The following PCSK5 variants were observed in gnomAD, a reference collection of about 807,000 sequenced individuals.
PCSK5 encodes proprotein convertase subtilisin/kexin type 5, also known as prohormone convertase 5.
Under a neutral mutation model 233.2 loss-of-function variants are expected in PCSK5, and 129 were observed. The ratio of observed to expected loss-of-function variants is 0.55; its 90% CI spans 0.48 to 0.64. PCSK5 has a LOEUF of 0.64. PCSK5 is among the 30% of genes least tolerant of loss of function. The pLI, the probability that PCSK5 is intolerant of heterozygous loss-of-function variation, is 0.00. For missense variants in PCSK5, 2,076 were observed against 2,430.1 expected (o/e 0.85, Z 3.06); for synonymous variants, 825 against 879.2 (o/e 0.94, Z 1.09).
chr9:75,904,681 C>T (rs1826184246), intron 1 of PCSK5, among the ~76,000 whole-genome samples: 1 of 152,160 alleles, frequency 6.6e-6, no homozygotes, highest in South Asian at 2.1e-4. Flanking sequence ...CTCCAATTTA[C>T]AATGGGAATG....
At chr9:76,081,472 TAAAC>T (rs374257054) in intron 7 of PCSK5, among the ~76,000 whole-genome samples, 5,804 of 151,780 alleles carry the variant, frequency 0.038, 222 homozygotes, top group African/African-American at 0.096. Flanking sequence ...AATAAATAAA[TAAAC>T]AAACAAACAA....
chr9:76,165,497 A>T (rs940697949), intron 12 of PCSK5, among the ~76,000 whole-genome samples: 1 of 152,224 alleles, frequency 6.6e-6, no homozygotes, highest in Non-Finnish European at 1.5e-5. Flanking sequence ...TCCTGAGTTA[A>T]TTCCTCAAAA....
chr9:76,058,821 C>A (rs57670194), intron 5 of PCSK5, among the ~76,000 whole-genome samples: 1 of 151,988 alleles, frequency 6.6e-6, no homozygotes, highest in Non-Finnish European at 1.5e-5. Context: ...TCAGAATTAA[C>A]CAGGCATATT....
chr9:76,311,288 T>G (rs150429510), intron 30 of PCSK5, among the ~76,000 whole-genome samples: 1,564 of 151,790 alleles, frequency 0.01, 24 homozygotes, highest in African/African-American at 0.035. Context: ...GCCCAGGAGA[T>G]TGCAGTGAGC....
chr9:76,167,320 A>G (rs12555662), intron 12 of PCSK5, among the ~76,000 whole-genome samples: 16,385 of 152,232 alleles, frequency 0.11, 1,426 homozygotes, highest in East Asian at 0.26. Flanking sequence ...CATTATGGAA[A>G]TTGATAAAAC....
chr9:76,146,881 C>T (rs969751791), intron 10 of PCSK5, among the ~76,000 whole-genome samples: 1 of 152,022 alleles, frequency 6.6e-6, no homozygotes, highest in Non-Finnish European at 1.5e-5. Context: ...TGAATAATAC[C>T]ATCTTGCTAA....
chr9:76,193,118 A>G (rs17776908), intron 20 of PCSK5: 132,722 of 790,080 alleles, frequency 0.17, 12,615 homozygotes, highest in Non-Finnish European at 0.2. Flanking sequence ...CTACTCCTGA[A>G]TGATCTCTTC....
intron 35 of PCSK5, among the ~76,000 whole-genome samples, chr9:76,350,394 T>C (rs572133447): frequency 1.3e-5 from 2 of 152,276 alleles, no homozygotes; most frequent in South Asian, 4.1e-4. Flanking sequence ...CTTTTAGCCC[T>C]AGCATTTTAA....
intron 24 of PCSK5, among the ~76,000 whole-genome samples, chr9:76,282,614 A>C (rs1460561142): frequency 6.6e-6 from 1 of 151,930 alleles, no homozygotes; most frequent in Admixed American, 6.6e-5. Context: ...CACTGCACCC[A>C]TCTTATGTTT....
intron 5 of PCSK5, among the ~76,000 whole-genome samples, chr9:76,032,950 G>T (rs1003288167): frequency 1.3e-5 from 2 of 152,058 alleles, no homozygotes; most frequent in Admixed American, 6.6e-5. Context: ...CCAACCTCTG[G>T]GTTAAAGACT....
Position 76,175,222 on chromosome 9 carries a change from A to G in PCSK5, c.1900+93A>G, listed in dbSNP as rs11999771. The G allele has an allele frequency of 1.3e-3, 655 of 510,714 alleles. 1 individual carries two copies. Among genetic ancestry groups the G allele is most frequent in the Non-Finnish European group, 1.6e-3 (461 of 288,974 alleles). The allele number at this position is 510,714 out of a possible 1,614,324, so 31.6% of individuals were successfully genotyped here. A position where few individuals can be genotyped will look rare whatever the true frequency, so the allele number is the denominator to read the frequency against. ...GAACAGAATGGAATGGAATGGAATG[A>G]AATGGAATGGAATGAAATGGAATGG... On this transcript the variant is annotated intron_variant, in intron 14 of 37. Coordinates refer to ENST00000674117, the MANE Select transcript of PCSK5 (RefSeq NM_001372043.1).
chr9:76,148,048 T>A (rs1823514459), intron 10 of PCSK5, among the ~76,000 whole-genome samples: 1 of 152,024 alleles, frequency 6.6e-6, no homozygotes, highest in Admixed American at 6.6e-5. Context: ...GTTCATTCAG[T>A]CCTTCTGTAA....
chr9:76,074,985 C>T (rs1254801263), intron 7 of PCSK5, among the ~76,000 whole-genome samples: 5 of 151,834 alleles, frequency 3.3e-5, no homozygotes, highest in East Asian at 3.9e-4. Flanking sequence ...TTTGGGAGGC[C>T]AAGGAGGGCG....
chr9:76,297,334 T>C (rs1828470867), intron 27 of PCSK5, among the ~76,000 whole-genome samples: 1 of 152,184 alleles, frequency 6.6e-6, no homozygotes, highest in Admixed American at 6.6e-5. Flanking sequence ...GTATTAGATT[T>C]TATGCTAAAA....
At position 76,359,978 on chromosome 9, in the gene PCSK5, T is replaced by C. The variant is rs1219230150; in HGVS notation, c.*1056T>C. ...TGCTCATCACTATGATTTTTGTTTC[T>C]AGACTTCCTAGGCTTCCTTTTTTCC... On this transcript the variant is annotated 3_prime_UTR_variant, in exon 38 of 38. Coordinates refer to ENST00000674117, the MANE Select transcript of PCSK5 (RefSeq NM_001372043.1). 4 of 152,162 alleles carry C rather than the reference T, an allele frequency of 2.6e-5. No homozygotes were observed. The highest frequency in any genetic ancestry group is 9.7e-5 in the African/African-American group (4 of 41,446). The allele number at this position is 152,162 out of a possible 1,614,324, so 9.4% of individuals were successfully genotyped here.
intron 1 of PCSK5, among the ~76,000 whole-genome samples, chr9:75,899,937 G>A (rs2131195636): frequency 6.6e-6 from 1 of 152,302 alleles, no homozygotes; most frequent in South Asian, 2.1e-4. Flanking sequence ...GTAGTGAGAA[G>A]TGCTATAGAA....
At chr9:76,149,653 T>C (rs1379449300) in intron 10 of PCSK5, among the ~76,000 whole-genome samples, 1 of 152,124 alleles carries the variant, frequency 6.6e-6, no homozygotes, top group African/African-American at 2.4e-5. Flanking sequence ...CAAAGGCCCT[T>C]GTAGTACATT....
chr9:76,271,901 C>A lies in PCSK5; in HGVS notation c.3143-20332C>A, dbSNP rs1413637786. ...CATCTCTGCCACATAGTCTCATGGC[C>A]TTCTCCCTTCTGTGTCTGTGTGTCT... is the stretch of plus-strand genomic sequence containing the variant. On this transcript the variant is annotated intron_variant, in intron 24 of 37. Coordinates refer to ENST00000674117, the MANE Select transcript of PCSK5 (RefSeq NM_001372043.1). Among the ~76,000 whole-genome samples the A allele has an allele frequency of 3.9e-5, 6 of 152,244 alleles. No homozygotes were observed. The South Asian group carries it at 1.0e-3, about 26-fold the overall frequency.
At chr9:76,036,402 G>A (rs1341856555) in intron 5 of PCSK5, among the ~76,000 whole-genome samples, 2 of 152,136 alleles carry the variant, frequency 1.3e-5, no homozygotes, top group Admixed American at 6.6e-5. Flanking sequence ...TCATAAAATC[G>A]TTCACCAAAG....
Sources: allele counts gnomAD v4.1 joint callset (sites outside exome capture counted in the v4.1 genomes callset), GRCh38; gene constraint gnomAD v4.1.1; transcripts MANE v1.5; gene names NCBI Gene and HGNC (gene_info 2026-07-23, HGNC 2026-07-21).